Variants in KCTD2 observed in about 807,000 individuals in gnomAD.
The protein encoded by KCTD2 is potassium channel tetramerization domain containing 2, also known as BTB/POZ domain-containing protein KCTD2.
A neutral mutation model predicts 27.9 loss-of-function variants in KCTD2; 18 were observed. The ratio of observed to expected loss-of-function variants is 0.64; its 90% CI spans 0.45 to 0.96. The LOEUF (loss-of-function observed/expected upper bound fraction) is 0.96, where lower values mean the gene tolerates loss of function less well. Ranked by LOEUF, KCTD2 falls within the 40% of genes least tolerant of loss-of-function variation. The pLI is 0.00. For synonymous variants in KCTD2, 175 were observed against 148.4 expected, an observed-to-expected ratio of 1.18 and a Z score of -1.30; for missense variants, 280 against 348.0, an observed-to-expected ratio of 0.80 and a Z score of 1.56.
intron 3 of KCTD2, among the ~76,000 whole-genome samples, chr17:75,058,003 A>T (rs894970050): frequency 6.6e-6 from 1 of 151,412 alleles, no homozygotes; most frequent in African/African-American, 2.4e-5. Flanking sequence ...CCTGGCCAAC[A>T]TGGCGAAATC....
At chr17:75,058,619 T>A (rs35221374) in intron 3 of KCTD2, among the ~76,000 whole-genome samples, 16,274 of 147,720 alleles carry the variant, frequency 0.11, 1,652 homozygotes, top group African/African-American at 0.28. Context: ...GCCAACATGG[T>A]GAATCCCCTT....
intron 5 of KCTD2, among the ~76,000 whole-genome samples, chr17:75,062,816 A>G (rs893711701): frequency 2.0e-5 from 3 of 151,752 alleles, no homozygotes; most frequent in Non-Finnish European, 2.9e-5. Context: ...GTCCAACAGC[A>G]TATAAGCTTT....
intron 5 of KCTD2, 50 bp downstream of exon 5, chr17:75,062,295 C>T: frequency 6.4e-7 from 1 of 1,569,344 alleles, no homozygotes; most frequent in South Asian, 1.2e-5. Context: ...TTGTTCGCAC[C>T]CCCTCCGTGG....
chr17:75,049,780 T>C (rs2073265819), intron 2 of KCTD2, among the ~76,000 whole-genome samples: 1 of 152,272 alleles, frequency 6.6e-6, no homozygotes, highest in South Asian at 2.1e-4. Flanking sequence ...CATGCTTCCC[T>C]GTAAATGTTT....
chr17:75,056,117 T>C lies in KCTD2; in HGVS notation c.540+3012T>C, dbSNP rs575056145. The stretch of plus-strand genomic sequence containing the variant: ...GAAAAATTAACTCTTTTATCCACTT[T>C]ATCTCCAGCAGTTTGCAAAAGTGAA... On this transcript the variant is annotated intron_variant, in intron 3 of 5. Coordinates refer to ENST00000322444, the MANE Select transcript of KCTD2 (RefSeq NM_015353.3). Among the ~76,000 whole-genome samples the C allele has an allele frequency of 7.9e-5, 12 of 152,394 alleles. No homozygotes were observed. In the East Asian group the frequency reaches 1.5e-3, roughly 20 times the overall value.
chr17:75,042,768 T>G, upstream of KCTD2: 4 of 1,160,986 alleles, frequency 3.4e-6, no homozygotes, highest in Non-Finnish European at 4.8e-6. Context: ...CTTTAAATCT[T>G]AGAAACATGC....
chr17:75,039,929 T>C lies in KCTD2; in HGVS notation c.-259+4572T>C, dbSNP rs1460339115. On this transcript the variant is annotated intron_variant, in intron 3 of 7. Coordinates refer to the KCTD2 transcript ENST00000581589. The stretch of plus-strand genomic sequence containing the variant: ...TCTTGTTGGCTTCTTTCACTCCGCA[T>C]AATTATTTTGAAATTCGTCCATGTT... The C allele has an allele frequency of 4.0e-6, 3 of 744,218 alleles. No individual in the cohort carries two copies. The Admixed American group carries it at 7.2e-5, about 18-fold the overall frequency. The allele number at this position is 744,218 out of a possible 1,614,324, so 46.1% of individuals were successfully genotyped here.
intron 3 of KCTD2, among the ~76,000 whole-genome samples, chr17:75,036,919 C>T (rs1051986586): frequency 1.3e-5 from 2 of 152,156 alleles, no homozygotes; most frequent in South Asian, 4.1e-4. Flanking sequence ...CCCTCCGCTG[C>T]CTTTCATCTT....
chr17:75,042,424 ATATG>A, upstream of KCTD2: 1 of 1,523,614 alleles, frequency 6.6e-7, no homozygotes. Flanking sequence ...GGATTTCTTT[ATATG>A]TTGTCATAAG....
rs913898641 is a variant in KCTD2, at chr17:75,064,347, G to A, written c.*1300G>A. 2 of 152,292 alleles carry A rather than the reference G, an allele frequency of 1.3e-5. No individual in the cohort carries two copies. The highest frequency in any genetic ancestry group is 4.8e-5 in the African/African-American group (2 of 41,468). The allele number at this position is 152,292 out of a possible 1,614,324, so 9.4% of individuals were successfully genotyped here. On this transcript the variant is annotated 3_prime_UTR_variant, in exon 6 of 6. Transcript: ENST00000322444. ...TGTCTGCCCCGAATAACTTTCAGTA[G>A]TATGGCAGATGGCACAGAGAAAGGG...
intron 3 of KCTD2, chr17:75,039,028 C>T (rs2073129954): frequency 1.2e-6 from 2 of 1,614,026 alleles, no homozygotes; most frequent in East Asian, 4.5e-5. Flanking sequence ...CAATGGTCAT[C>T]TGATCAAATG....
chr17:75,034,057 C>G (rs1177429178), exon 2 of KCTD2: 1 of 152,204 alleles, frequency 6.6e-6, no homozygotes, highest in Non-Finnish European at 1.5e-5. Flanking sequence ...ACCTTGGTCT[C>G]TAGTTCGACT....
chr17:75,057,528 G>T (rs1180445061), intron 3 of KCTD2, among the ~76,000 whole-genome samples: 1 of 149,296 alleles, frequency 6.7e-6, no homozygotes, highest in Non-Finnish European at 1.5e-5. Context: ...GAAATCCTTA[G>T]TACTTTGGTT....
chr17:75,048,264 G>A (rs774025355), intron 1 of KCTD2, among the ~76,000 whole-genome samples: 9 of 152,166 alleles, frequency 5.9e-5, no homozygotes, highest in African/African-American at 1.7e-4. Flanking sequence ...ATGCATGGCT[G>A]CTAACCAAAG....
At chr17:75,046,064 A>G (rs946229250), upstream of KCTD2, among the ~76,000 whole-genome samples, 5 of 152,192 alleles carry the variant, frequency 3.3e-5, no homozygotes, top group South Asian at 2.1e-4. Flanking sequence ...TCAGTGGAAA[A>G]TGGAAGTCAC....
upstream of KCTD2, chr17:75,042,348 T>C: frequency 6.4e-7 from 1 of 1,551,068 alleles, no homozygotes; most frequent in Non-Finnish European, 8.8e-7. Flanking sequence ...AATTTTCCTA[T>C]CCCTTCTTCC....
At position 75,049,341 on chromosome 17, in the gene KCTD2, TTTGCA is replaced by T. The variant is rs1219304400; in HGVS notation, c.448+17_448+21del. ...TTGGCAGAAGAAGGTAAGCGCACTGTTTGCATTGGGGATTTTCAAAATGCAAGTAG... is the reference window on the plus strand; with the variant it reads ...TTGGCAGAAGAAGGTAAGCGCACTGTTTGGGGATTTTCAAAATGCAAGTAG... On this transcript the variant is annotated intron_variant, in intron 2 of 5. Transcript: ENST00000322444. The T allele has an allele frequency of 2.8e-6, 4 of 1,447,894 alleles. No individual in the cohort carries two copies. Among genetic ancestry groups the T allele is most frequent in the Non-Finnish European group, 3.9e-6 (4 of 1,036,470 alleles). 89.7% of individuals were successfully genotyped at this position (1,447,894 alleles called of 1,614,324 possible).
intron 2 of KCTD2, among the ~76,000 whole-genome samples, chr17:75,051,377 C>T (rs779281430): frequency 8.8e-5 from 13 of 147,706 alleles, no homozygotes; most frequent in African/African-American, 3.0e-4. Flanking sequence ...ATCCACCTCC[C>T]GGGTTCAAGC....
upstream of KCTD2, among the ~76,000 whole-genome samples, chr17:75,046,227 G>C (rs1265556512): frequency 6.6e-6 from 1 of 151,944 alleles, no homozygotes; most frequent in Non-Finnish European, 1.5e-5. Flanking sequence ...GGATTATAGG[G>C]GCCTTCCACC....
Sources: allele counts gnomAD v4.1 joint callset (sites outside exome capture counted in the v4.1 genomes callset), GRCh38; gene constraint gnomAD v4.1.1; transcripts MANE v1.5; gene names NCBI Gene and HGNC (gene_info 2026-07-23, HGNC 2026-07-21).